The following FGGY variants were observed in gnomAD, a reference collection of about 807,000 sequenced individuals.
FGGY encodes FGGY carbohydrate kinase domain containing.
Under a neutral mutation model 71.3 loss-of-function variants are expected in FGGY, and 72 were observed. The ratio of observed to expected loss-of-function variants is 1.01; its 90% CI spans 0.84 to 1.23. The LOEUF (loss-of-function observed/expected upper bound fraction) is 1.23. Among genes scored for constraint, FGGY ranks in the 50% most tolerant of loss-of-function variants. FGGY has a pLI of 0.00. For synonymous variants in FGGY, 251 were observed against 250.3 expected (o/e 1.00, Z -0.02); for missense variants, 668 against 682.3 (o/e 0.98, Z 0.23).
chr1:59,573,311 G>A (rs2096018272), intron 8 of FGGY, among the ~76,000 whole-genome samples: 1 of 152,038 alleles, frequency 6.6e-6, no homozygotes, highest in South Asian at 2.1e-4. Context: ...CCTGATAATT[G>A]TATTATGGAT....
intron 9 of FGGY, among the ~76,000 whole-genome samples, chr1:59,621,404 A>T (rs1161956466): frequency 7.2e-6 from 1 of 139,602 alleles, no homozygotes; most frequent in East Asian, 2.2e-4. Context: ...TGAAAATTTG[A>T]GTTTCCATGT....
intron 11 of FGGY, among the ~76,000 whole-genome samples, chr1:59,642,945 G>A (rs1437278889): frequency 6.7e-6 from 1 of 149,822 alleles, no homozygotes; most frequent in Non-Finnish European, 1.5e-5. Flanking sequence ...TGAGGCAGGA[G>A]AATGGCGAGA....
At chr1:59,704,984 T>C (rs954647535) in intron 14 of FGGY, among the ~76,000 whole-genome samples, 2 of 152,198 alleles carry the variant, frequency 1.3e-5, no homozygotes, top group African/African-American at 4.8e-5. Flanking sequence ...AAATGACTGC[T>C]CATTGTTCTT....
intron 6 of FGGY, among the ~76,000 whole-genome samples, chr1:59,498,275 G>A (rs1218031822): frequency 6.6e-6 from 1 of 152,198 alleles, no homozygotes; most frequent in Non-Finnish European, 1.5e-5. Flanking sequence ...ATTCAACTCA[G>A]AAGAGAGGCC....
intron 14 of FGGY, among the ~76,000 whole-genome samples, chr1:59,681,517 A>G (rs2097498598): frequency 6.6e-6 from 1 of 152,226 alleles, no homozygotes; most frequent in African/African-American, 2.4e-5. Context: ...GTGTAAACCT[A>G]AACAAAAATG....
intron 11 of FGGY, among the ~76,000 whole-genome samples, chr1:59,658,794 T>C (rs1018018137): frequency 6.6e-6 from 1 of 152,148 alleles, no homozygotes; most frequent in African/African-American, 2.4e-5. Flanking sequence ...AGGAAGGACA[T>C]AATGGTGGCT....
intron 13 of FGGY, among the ~76,000 whole-genome samples, chr1:59,672,767 T>C (rs991779120): frequency 3.9e-5 from 6 of 152,216 alleles, no homozygotes; most frequent in African/African-American, 1.4e-4. Flanking sequence ...AAAATAACTC[T>C]TATGGCTTGA....
chr1:59,486,800 G>C (rs1399061237), intron 6 of FGGY, among the ~76,000 whole-genome samples: 1 of 152,200 alleles, frequency 6.6e-6, no homozygotes, highest in African/African-American at 2.4e-5. Flanking sequence ...TCCAAAGTCA[G>C]TGCATACTGT....
intron 14 of FGGY, among the ~76,000 whole-genome samples, chr1:59,678,597 C>T (rs1217281382): frequency 1.3e-5 from 2 of 152,156 alleles, no homozygotes. Flanking sequence ...GGCAAAGAGA[C>T]AGCAACATGA....
At chr1:59,435,466 C>T (rs2068229681) in intron 5 of FGGY, among the ~76,000 whole-genome samples, 1 of 152,166 alleles carries the variant, frequency 6.6e-6, no homozygotes, top group Non-Finnish European at 1.5e-5. Flanking sequence ...CACAGAGGCC[C>T]TGTGCCTTCT....
intron 8 of FGGY, among the ~76,000 whole-genome samples, chr1:59,595,516 C>G (rs2096511475): frequency 6.6e-6 from 1 of 152,046 alleles, no homozygotes; most frequent in South Asian, 2.1e-4. Context: ...TGGCGAAACC[C>G]CATCTCTACT....
intron 8 of FGGY, among the ~76,000 whole-genome samples, chr1:59,575,444 C>CT (rs970072553): frequency 3.3e-5 from 5 of 152,130 alleles, no homozygotes; most frequent in African/African-American, 1.2e-4. Flanking sequence ...GAATTTCCTT[C>CT]TTTTTTAAGA....
intron 9 of FGGY, among the ~76,000 whole-genome samples, chr1:59,611,443 C>A (rs1041687111): frequency 1.3e-5 from 2 of 152,184 alleles, no homozygotes; most frequent in African/African-American, 4.8e-5. Context: ...AGGGTCCTGA[C>A]TGTTAGAAGG....
intron 14 of FGGY, among the ~76,000 whole-genome samples, chr1:59,732,486 T>G (rs2098045530): frequency 1.3e-5 from 2 of 152,116 alleles, no homozygotes; most frequent in Non-Finnish European, 2.9e-5. Flanking sequence ...CAGAAAAGGA[T>G]GATCCTGAAT....
intron 8 of FGGY, among the ~76,000 whole-genome samples, chr1:59,556,709 G>T (rs2095692118): frequency 6.6e-6 from 1 of 152,170 alleles, no homozygotes; most frequent in African/African-American, 2.4e-5. Context: ...GGATAATGAT[G>T]CCAGTCTCAC....
At chr1:59,300,147 G>A (rs2042542343) in intron 1 of FGGY, among the ~76,000 whole-genome samples, 1 of 152,166 alleles carries the variant, frequency 6.6e-6, no homozygotes, top group Non-Finnish European at 1.5e-5. Flanking sequence ...CTGACATCCA[G>A]TAAACTACGT....
At chr1:59,642,350 T>C (rs750813978) in intron 11 of FGGY, among the ~76,000 whole-genome samples, 9 of 152,176 alleles carry the variant, frequency 5.9e-5, no homozygotes, top group Non-Finnish European at 1.2e-4. Context: ...ATCACGGCTG[T>C]GTGCGGTGGC....
chr1:59,615,240 C>T (rs1186691515), intron 9 of FGGY, among the ~76,000 whole-genome samples: 1 of 152,196 alleles, frequency 6.6e-6, no homozygotes, highest in Non-Finnish European at 1.5e-5. Context: ...CGCTACCTGA[C>T]TTCAAACTAT....
chr1:59,592,799 G>T lies in FGGY; in HGVS notation c.904-15004G>T, dbSNP rs573263424. On this transcript the variant is annotated intron_variant, in intron 8 of 15. Transcript: ENST00000303721. ...GGGGACTGTTGTGGGGTGGGGGGAC[G>T]GGGGAGGGATAGCATTATGAGATAT... 2.7e-3 allele frequency among the ~76,000 whole-genome samples: 367 copies of T among 136,468 alleles called. 6 individuals carry two copies. In the South Asian group the frequency reaches 0.046, roughly 17 times the overall value. 89.5% of individuals were successfully genotyped at this position (136,468 alleles called of 152,430 possible). A position where few individuals can be genotyped will look rare whatever the true frequency, so the allele number is the denominator to read the frequency against.
Sources: allele counts gnomAD v4.1 joint callset (sites outside exome capture counted in the v4.1 genomes callset), GRCh38; gene constraint gnomAD v4.1.1; transcripts MANE v1.5; gene names NCBI Gene and HGNC (gene_info 2026-07-23, HGNC 2026-07-21).